The following HIBADH variants were observed in gnomAD, a reference collection of about 807,000 sequenced individuals.
HIBADH encodes 3-hydroxyisobutyrate dehydrogenase.
In HIBADH, 25 loss-of-function variants were observed where a neutral mutation model predicts 36.1. That is an observed-to-expected ratio of 0.69 (90% CI 0.50 to 0.97). HIBADH has a LOEUF of 0.97. Ranked by LOEUF, HIBADH falls within the 50% of genes least tolerant of loss-of-function variation. The probability of loss-of-function intolerance (pLI) is 0.00; values close to 1 mark genes in which losing one functional copy is unlikely to be tolerated. For synonymous variants in HIBADH, 160 were observed against 149.5 expected (o/e 1.07, Z -0.51); for missense variants, 421 against 418.0 (o/e 1.01, Z -0.06).
intron 2 of HIBADH, among the ~76,000 whole-genome samples, chr7:27,645,982 T>C (rs1027947161): frequency 6.6e-6 from 1 of 152,182 alleles, no homozygotes; most frequent in African/African-American, 2.4e-5. Context: ...TATTTATCAT[T>C]TTGTTGCTCA....
chr7:27,565,112 C>G (rs147929652), intron 4 of HIBADH, among the ~76,000 whole-genome samples: 1 of 152,228 alleles, frequency 6.6e-6, no homozygotes, highest in Non-Finnish European at 1.5e-5. Flanking sequence ...CTCTTATGCT[C>G]CAAGCCACTA....
intron 4 of HIBADH, among the ~76,000 whole-genome samples, chr7:27,596,513 T>C (rs1785036477): frequency 6.6e-6 from 1 of 152,340 alleles, no homozygotes; most frequent in African/African-American, 2.4e-5. Flanking sequence ...CACATACTCT[T>C]TGACCTAGAA....
chr7:27,589,588 AT>A, intron 4 of HIBADH, among the ~76,000 whole-genome samples: 1 of 152,344 alleles, frequency 6.6e-6, no homozygotes, highest in Middle Eastern at 3.4e-3. Context: ...GAGATATTAA[AT>A]AACTAGGATA....
At chr7:27,594,588 A>G (rs1404089205) in intron 4 of HIBADH, among the ~76,000 whole-genome samples, 1 of 152,260 alleles carries the variant, frequency 6.6e-6, no homozygotes, top group Non-Finnish European at 1.5e-5. Context: ...CAACAAAAAT[A>G]TTAACAATGT....
intron 1 of HIBADH, among the ~76,000 whole-genome samples, chr7:27,649,859 C>T (rs1786148040): frequency 6.6e-6 from 1 of 151,124 alleles, no homozygotes; most frequent in Non-Finnish European, 1.5e-5. Context: ...ACAGTGAGAT[C>T]CCATCTCAAA....
chr7:27,586,489 T>C (rs1784866307), intron 4 of HIBADH, among the ~76,000 whole-genome samples: 1 of 152,182 alleles, frequency 6.6e-6, no homozygotes, highest in African/African-American at 2.4e-5. Context: ...ACGATTTTAC[T>C]AACTATAATT....
At chr7:27,566,229 C>G (rs1157137273) in intron 4 of HIBADH, among the ~76,000 whole-genome samples, 1 of 152,032 alleles carries the variant, frequency 6.6e-6, no homozygotes, top group Non-Finnish European at 1.5e-5. Flanking sequence ...TTGTGTAGAA[C>G]TGCTATTTCT....
intron 4 of HIBADH, among the ~76,000 whole-genome samples, chr7:27,569,084 CCAAATCCACTG>C (rs1223322773): frequency 6.6e-6 from 1 of 152,048 alleles, no homozygotes; most frequent in Non-Finnish European, 1.5e-5. Context: ...ATTTCTGTCT[CCAAATCCACTG>C]ACTCTTTTCT....
At chr7:27,647,700 G>T in intron 2 of HIBADH, 1 of 417,666 alleles carries the variant, frequency 2.4e-6, no homozygotes, top group African/African-American at 2.1e-5. Context: ...AAAGAAATAA[G>T]AAACTTGTTG....
rs1384103410 is a variant in HIBADH at position 27,621,696 on chromosome 7, G to A, written c.484+7675C>T. Among the ~76,000 whole-genome samples the A allele has an allele frequency of 2.0e-5, 3 of 152,154 alleles. No individual in the cohort carries two copies. In the East Asian group the frequency reaches 5.8e-4, roughly 29 times the overall value. On this transcript the variant is annotated intron_variant, in intron 4 of 7. Coordinates refer to ENST00000265395, the MANE Select transcript of HIBADH (RefSeq NM_152740.4). ...AAACCCAGCTACTCAGGAGGCTGAG[G>A]CAGAAGAATCGCTTGAACCTGGGAT...
At position 27,534,163 on chromosome 7, in the gene HIBADH, C is replaced by CA. The variant is rs1445889886; in HGVS notation, c.696-2816dup. On this transcript the variant is annotated intron_variant, in intron 6 of 7. Transcript: ENST00000265395. ...AGAAGTAAAAATAATGCATAAACTG[C>CA]AAAAAAATTTAAAAAATTAAACATT... is the stretch of plus-strand genomic sequence containing the variant. 3.3e-5 allele frequency among the ~76,000 whole-genome samples: 5 copies of CA among 151,990 alleles called. No individual in the cohort carries two copies. In the East Asian group the frequency reaches 5.8e-4, roughly 18 times the overall value.
rs942775596 is a variant in HIBADH at position 27,526,109 on chromosome 7, C to A, written c.*105G>T. Reference sequence around the variant, plus strand: ...TTACTGTGACCTAGACAATCAAAAGCAGATAGGTGACCTTTGATTAAATCC... The same window carrying A: ...TTACTGTGACCTAGACAATCAAAAGAAGATAGGTGACCTTTGATTAAATCC... On this transcript the variant is annotated 3_prime_UTR_variant, in exon 8 of 8. Coordinates refer to ENST00000265395, the MANE Select transcript of HIBADH (RefSeq NM_152740.4). The A allele has an allele frequency of 2.3e-5, 21 of 907,626 alleles. 1 individual carries two copies. The highest frequency in any genetic ancestry group is 3.3e-5 in the Non-Finnish European group (21 of 642,510). 56.2% of individuals were successfully genotyped at this position (907,626 alleles called of 1,614,324 possible).
intron 4 of HIBADH, among the ~76,000 whole-genome samples, chr7:27,570,846 C>G (rs1446063728): frequency 6.6e-6 from 1 of 151,936 alleles, no homozygotes; most frequent in African/African-American, 2.4e-5. Flanking sequence ...AGTAAGATTT[C>G]TTTTTTAAAA....
chr7:27,652,380 G>C (rs550855888), intron 1 of HIBADH, among the ~76,000 whole-genome samples: 1 of 151,020 alleles, frequency 6.6e-6, no homozygotes, highest in Admixed American at 6.6e-5. Flanking sequence ...TTGTAGGCAA[G>C]AGGTAGTTAT....
chr7:27,580,504 CTTTAAA>C (rs1784772507), intron 4 of HIBADH, among the ~76,000 whole-genome samples: 1 of 152,256 alleles, frequency 6.6e-6, no homozygotes, highest in African/African-American at 2.4e-5. Context: ...GCAGAAAACT[CTTTAAA>C]TGAACATTGT....
chr7:27,652,115 T>C (rs903040009), intron 1 of HIBADH, among the ~76,000 whole-genome samples: 1 of 152,230 alleles, frequency 6.6e-6, no homozygotes, highest in African/African-American at 2.4e-5. Context: ...CCATATGCTA[T>C]ATATGAAGCC....
chr7:27,569,326 C>T (rs1243545592), intron 4 of HIBADH, among the ~76,000 whole-genome samples: 1 of 152,122 alleles, frequency 6.6e-6, no homozygotes, highest in Non-Finnish European at 1.5e-5. Flanking sequence ...TGTCTCTTCC[C>T]TTGAGACTTA....
intron 4 of HIBADH, among the ~76,000 whole-genome samples, chr7:27,619,318 C>G (rs766513372): frequency 3.9e-5 from 6 of 152,098 alleles, no homozygotes; most frequent in Non-Finnish European, 7.4e-5. Flanking sequence ...AAAGTCTTCC[C>G]CTATAAAAAG....
intron 2 of HIBADH, among the ~76,000 whole-genome samples, chr7:27,634,202 C>T (rs1402714424): frequency 1.3e-5 from 2 of 151,838 alleles, no homozygotes; most frequent in Non-Finnish European, 2.9e-5. Context: ...GACCCTAAAA[C>T]AACAAAAAAA....
Sources: gnomAD v4.1 joint callset for allele counts (sites outside exome capture counted in the v4.1 genomes callset) on GRCh38, gnomAD v4.1.1 for gene constraint, MANE v1.5 for transcripts, NCBI Gene and HGNC (gene_info 2026-07-23, HGNC 2026-07-21) for gene names.